Variants in ABCC4 observed in about 807,000 individuals in gnomAD.
The protein encoded by ABCC4 is ATP binding cassette subfamily C member 4 (PEL blood group).
A neutral mutation model predicts 168.5 loss-of-function variants in ABCC4; 102 were observed. The ratio of observed to expected loss-of-function variants is 0.61; its 90% CI spans 0.52 to 0.71. The LOEUF (loss-of-function observed/expected upper bound fraction) is 0.71. Among genes scored for constraint, ABCC4 ranks in the 30% least tolerant of loss-of-function variants. The probability of loss-of-function intolerance (pLI) is 0.00; values close to 1 mark genes in which losing one functional copy is unlikely to be tolerated. For synonymous variants in ABCC4, 617 were observed against 590.7 expected (o/e 1.04, Z -0.65); for missense variants, 1,402 against 1,605.8 (o/e 0.87, Z 2.17).
chr13:95,164,265 G>A (rs2037200396), intron 16 of ABCC4, 113 bp downstream of exon 16: 2 of 1,355,006 alleles, frequency 1.5e-6, no homozygotes, highest in Admixed American at 3.9e-5. Context: ...GTTCCCCAAA[G>A]ACAGCACATT....
At chr13:95,126,151 A>T (rs2035752992) in intron 19 of ABCC4, among the ~76,000 whole-genome samples, 1 of 152,142 alleles carries the variant, frequency 6.6e-6, no homozygotes, top group Admixed American at 6.5e-5. Context: ...GGAATGTACC[A>T]CTTTAATCCC....
At chr13:95,153,175 A>C (rs1224101914) in intron 19 of ABCC4, among the ~76,000 whole-genome samples, 1 of 152,200 alleles carries the variant, frequency 6.6e-6, no homozygotes, top group Non-Finnish European at 1.5e-5. Context: ...CTTTTCTGAC[A>C]ATAAGGTCAC....
intron 28 of ABCC4, 62 bp downstream of exon 28, chr13:95,044,204 C>A: frequency 7.1e-7 from 1 of 1,413,014 alleles, no homozygotes; most frequent in Non-Finnish European, 9.5e-7. Context: ...AGAATCATTC[C>A]ATGTTTCCCA....
At chr13:95,077,917 C>T (rs900814611) in intron 21 of ABCC4, among the ~76,000 whole-genome samples, 6 of 152,132 alleles carry the variant, frequency 3.9e-5, no homozygotes, top group African/African-American at 9.6e-5. Flanking sequence ...TCCACAGTTC[C>T]GTAAGTGAAG....
intron 19 of ABCC4, among the ~76,000 whole-genome samples, chr13:95,150,431 C>G (rs1317077876): frequency 6.6e-6 from 1 of 152,112 alleles, no homozygotes; most frequent in East Asian, 1.9e-4. Context: ...GTTTCCAGAA[C>G]AGAGAACTTG....
At chr13:95,225,960 T>A (rs2039451365) in intron 4 of ABCC4, among the ~76,000 whole-genome samples, 1 of 80,872 alleles carries the variant, frequency 1.2e-5, no homozygotes, top group Non-Finnish European at 2.3e-5. Flanking sequence ...TGAGACTCCA[T>A]CTCCACTTAA....
intron 1 of ABCC4, among the ~76,000 whole-genome samples, chr13:95,282,818 C>CCA (rs1367287914): frequency 3.9e-5 from 6 of 151,936 alleles, no homozygotes; most frequent in Admixed American, 3.3e-4. Flanking sequence ...CAGGTGTGAG[C>CCA]CACCGTGTCC....
intron 8 of ABCC4, among the ~76,000 whole-genome samples, chr13:95,195,235 T>C (rs1321378057): frequency 1.3e-5 from 2 of 152,224 alleles, no homozygotes; most frequent in African/African-American, 2.4e-5. Flanking sequence ...ACTGAGTGCA[T>C]TGACAGCCTG....
At chr13:95,060,291 T>C (rs542439756) in intron 26 of ABCC4, among the ~76,000 whole-genome samples, 1 of 152,322 alleles carries the variant, frequency 6.6e-6, no homozygotes, top group Admixed American at 6.5e-5. Context: ...GGGTGGAAAC[T>C]TATGGAACTG....
intron 1 of ABCC4, among the ~76,000 whole-genome samples, chr13:95,299,073 TAGAG>T (rs1333862543): frequency 6.6e-6 from 1 of 151,636 alleles, no homozygotes; most frequent in African/African-American, 2.4e-5. Context: ...AGCAACAACA[TAGAG>T]AGCCCTATCT....
chr13:95,072,213 C>T (rs12871463), intron 24 of ABCC4, among the ~76,000 whole-genome samples: 14,791 of 152,290 alleles, frequency 0.097, 962 homozygotes, highest in Admixed American at 0.17. Flanking sequence ...ATAATCCCAG[C>T]ACTTTGGGAG....
In ABCC4 at chr13:95,206,802, T is replaced by G. The variant is rs1167410175; in HGVS notation, c.912-21A>C. Reference sequence around the variant, plus strand: ...CCTTCCTGAAAGAGAGTACAGGTTTTTAAAAAAGCAGTGATGTCAACCAGA... The same window carrying G: ...CCTTCCTGAAAGAGAGTACAGGTTTGTAAAAAAGCAGTGATGTCAACCAGA... On this transcript the variant is annotated intron_variant, in intron 7 of 30. Transcript: ENST00000645237. 6 of 1,611,632 alleles carry G rather than the reference T, an allele frequency of 3.7e-6. No homozygotes were observed. The Admixed American group carries it at 5.0e-5, about 13-fold the overall frequency.
At chr13:95,263,264 T>C (rs905475810) in intron 1 of ABCC4, among the ~76,000 whole-genome samples, 2 of 152,138 alleles carry the variant, frequency 1.3e-5, no homozygotes, top group Non-Finnish European at 2.9e-5. Flanking sequence ...ATATATTAAA[T>C]GGCTGACAAA....
Position 95,163,612 on chromosome 13 carries a change from G to A in ABCC4, c.2211C>T (p.Tyr737=), listed in dbSNP as rs1594211956. The A allele has an allele frequency of 1.3e-5, 21 of 1,611,932 alleles. No individual in the cohort carries two copies. Among genetic ancestry groups the A allele is most frequent in the Non-Finnish European group, 1.7e-5 (20 of 1,178,506 alleles). Residue 737 remains tyrosine, a splice_region_variant and synonymous_variant, in exon 17 of 31, where the codon TAC becomes TAT. Coordinates refer to ENST00000645237, the MANE Select transcript of ABCC4 (RefSeq NM_005845.5). ...ACATCAGACCAGAAATAACTTACCA[G>A]TATGAAAGCCACCAATCTTGAAGCA... ...AYVLQDWWLS[Y]WANKQSMLNV... is the part of the protein sequence containing the mutation.
intron 14 of ABCC4, 132 bp downstream of exon 14, chr13:95,170,400 A>G: frequency 1.8e-6 from 1 of 557,148 alleles, no homozygotes; most frequent in Non-Finnish European, 3.1e-6. Flanking sequence ...CATTTCTACA[A>G]GTCTTTTGAG....
intron 26 of ABCC4, among the ~76,000 whole-genome samples, chr13:95,056,035 G>A (rs1202587782): frequency 6.6e-6 from 1 of 152,060 alleles, no homozygotes; most frequent in Non-Finnish European, 1.5e-5. Context: ...ATAAACTTCT[G>A]GAAGACAAGC....
At chr13:95,289,622 T>C (rs988426143) in intron 1 of ABCC4, among the ~76,000 whole-genome samples, 63 of 152,300 alleles carry the variant, frequency 4.1e-4, no homozygotes, top group South Asian at 8.3e-4. Flanking sequence ...GTAAGTCCTA[T>C]TGTGGTAATG....
chr13:95,241,904 A>G (rs1373403132), intron 3 of ABCC4, among the ~76,000 whole-genome samples: 1 of 152,128 alleles, frequency 6.6e-6, no homozygotes, highest in East Asian at 1.9e-4. Flanking sequence ...GATCCACTGC[A>G]CAGTTGTTCT....
chr13:95,273,050 T>C (rs1445871833), intron 1 of ABCC4, among the ~76,000 whole-genome samples: 1 of 152,158 alleles, frequency 6.6e-6, no homozygotes, highest in African/African-American at 2.4e-5. Context: ...ATAATTAACC[T>C]GGAAAACAGG....
Sources: gnomAD v4.1 joint callset for allele counts (sites outside exome capture counted in the v4.1 genomes callset) on GRCh38, gnomAD v4.1.1 for gene constraint, MANE v1.5 for transcripts, NCBI Gene and HGNC (gene_info 2026-07-23, HGNC 2026-07-21) for gene names.